The following LAYN variants were observed in gnomAD, a reference collection of about 807,000 sequenced individuals.
LAYN encodes layilin.
LAYN carries 38 observed loss-of-function variants against 43.6 expected under a neutral mutation model. The ratio of observed to expected loss-of-function variants is 0.87; its 90% confidence interval spans 0.67 to 1.14. The LOEUF is 1.14. Ranked by LOEUF, LAYN falls within the 50% of genes most tolerant of loss-of-function variation. The pLI, the probability that LAYN is intolerant of heterozygous loss-of-function variation, is 0.00. For synonymous variants in LAYN, 168 were observed against 172.9 expected (o/e 0.97, Z 0.22); for missense variants, 479 against 463.8 (o/e 1.03, Z -0.30).
At chr11:111,541,830 A>G (rs767139122) in intron 1 of LAYN, among the ~76,000 whole-genome samples, 7 of 152,122 alleles carry the variant, frequency 4.6e-5, no homozygotes, top group Non-Finnish European at 8.8e-5. Flanking sequence ...TGCTTGGGTT[A>G]GGGCTGCGTG....
intron 2 of LAYN, among the ~76,000 whole-genome samples, chr11:111,544,585 G>A (rs1867615342): frequency 6.6e-6 from 1 of 152,152 alleles, no homozygotes; most frequent in Admixed American, 6.5e-5. Flanking sequence ...ACAGGGAATT[G>A]TAATAATGGG....
In LAYN at chr11:111,555,219, A is replaced by G. The variant is rs1391661160; in HGVS notation, c.587A>G (p.Glu196Gly). The G allele has an allele frequency of 6.2e-7, 1 of 1,613,578 alleles. No individual in the cohort carries two copies. Among genetic ancestry groups the G allele is most frequent in the East Asian group, 2.2e-5 (1 of 44,868 alleles). ...TGTCTCTCTCCAGGTGAGGAAACAG[A>G]GCTGACAACACCTGTACTTCCAGAA... ...PSREAEGEET[E>G]LTTPVLPEET... The change falls in exon 5 of 7, where the codon GAG becomes GGG. Residue 196 changes from glutamate (E) to glycine (G), a missense_variant. Transcript: ENST00000375614.
At chr11:111,559,573 C>T (rs1031459047) in intron 6 of LAYN, among the ~76,000 whole-genome samples, 5 of 152,038 alleles carry the variant, frequency 3.3e-5, no homozygotes, top group African/African-American at 1.2e-4. Flanking sequence ...ATCCTCCCAC[C>T]TCAGCCTCCC....
Position 111,549,716 on chromosome 11 carries a change from T to C in LAYN, c.482T>C (p.Phe161Ser). The change falls in exon 3 of 7, where the codon TTC becomes TCC. Residue 161 changes from phenylalanine to serine, a missense_variant. By Grantham distance (155) the Phe-to-Ser change is radical (BLOSUM62 -2). Transcript: ENST00000375614. ...GCTGGCATCGGAGGCCCCTACATGT[T>C]CCAGTGGAATGATGACCGGTGCAAC... is the stretch of plus-strand genomic sequence containing the variant. ...APAGIGGPYMFQWNDDRCNMK... is the reference protein window; with the variant it reads ...APAGIGGPYMSQWNDDRCNMK... The C allele has an allele frequency of 6.2e-7, 1 of 1,607,186 alleles. No individual in the cohort carries two copies.
chr11:111,549,144 G>T (rs1204717938), intron 2 of LAYN, among the ~76,000 whole-genome samples: 1 of 152,170 alleles, frequency 6.6e-6, no homozygotes, highest in African/African-American at 2.4e-5. Flanking sequence ...TCATGTGCTT[G>T]AATTTCTTAT....
rs1344647910 is a variant in LAYN at position 111,557,739 on chromosome 11, C to A, written c.761+96C>A. On this transcript the variant is annotated intron_variant, in intron 6 of 6. Transcript: ENST00000375614. ...TACTTCATTAAAACCCACGGCAGCA[C>A]CAAGAGTATCACCATTGCAGATTGG... The A allele has an allele frequency of 5.1e-6, 5 of 977,228 alleles. No homozygotes were observed. In the East Asian group the frequency reaches 7.1e-5, roughly 14 times the overall value. 60.5% of individuals were successfully genotyped at this position (977,228 alleles called of 1,614,324 possible). A position where few individuals can be genotyped will look rare whatever the true frequency, so the allele number is the denominator to read the frequency against.
At chr11:111,557,391 C>A (rs1867865566) in intron 5 of LAYN, 150 bp from the exon 6 acceptor site, 1 of 667,498 alleles carries the variant, frequency 1.5e-6, no homozygotes, top group Non-Finnish European at 2.6e-6. Flanking sequence ...TTAGCCTTTT[C>A]CTTTGTTTTG....
intron 1 of LAYN, chr11:111,541,538 C>T (rs1471523306): frequency 2.6e-6 from 4 of 1,535,506 alleles, no homozygotes; most frequent in Non-Finnish European, 3.5e-6. Context: ...TCTCTGCTTC[C>T]TTCCTCCTGT....
At chr11:111,544,528 G>A (rs1458069019) in intron 2 of LAYN, among the ~76,000 whole-genome samples, 1 of 152,214 alleles carries the variant, frequency 6.6e-6, no homozygotes, top group Non-Finnish European at 1.5e-5. Context: ...ACCTCATGGA[G>A]AGACTGAAGA....
intron 1 of LAYN, among the ~76,000 whole-genome samples, chr11:111,542,888 A>T (rs1369993997): frequency 6.6e-6 from 1 of 152,214 alleles, no homozygotes; most frequent in Non-Finnish European, 1.5e-5. Context: ...GAATGAAAGG[A>T]GTGATGAGGC....
chr11:111,556,387 G>T (rs1201188000), intron 5 of LAYN, among the ~76,000 whole-genome samples: 1 of 152,188 alleles, frequency 6.6e-6, no homozygotes, highest in Non-Finnish European at 1.5e-5. Flanking sequence ...GTCTCCAAAA[G>T]AGGTCAGGCT....
intron 5 of LAYN, 134 bp from the exon 6 acceptor site, chr11:111,557,407 T>C (rs1014420337): frequency 5.5e-6 from 4 of 720,810 alleles, no homozygotes; most frequent in Non-Finnish European, 7.2e-6. Context: ...TTTTGTTTTT[T>C]AATTTTTTAA....
chr11:111,554,534 T>C, intron 3 of LAYN, 27 bp from the exon 4 acceptor site: 1 of 1,587,148 alleles, frequency 6.3e-7, no homozygotes, highest in Non-Finnish European at 8.6e-7. Context: ...TACTACTTAT[T>C]TTTGTTTTTG....
chr11:111,549,718 C>CAGTG lies in LAYN; in HGVS notation c.485_488dup (p.Trp163Ter). On this transcript the variant is annotated stop_gained and frameshift_variant, in exon 3 of 7. Coordinates refer to ENST00000375614, the MANE Select transcript of LAYN (RefSeq NM_178834.5). LOFTEE classifies it high-confidence loss of function. ...TGGCATCGGAGGCCCCTACATGTTC[C>CAGTG]AGTGGAATGATGACCGGTGCAACAT... 1 of 1,606,852 alleles carries CAGTG rather than the reference C, an allele frequency of 6.2e-7. No homozygotes were observed. Among genetic ancestry groups the CAGTG allele is most frequent in the Non-Finnish European group, 8.5e-7 (1 of 1,177,334 alleles).
At chr11:111,542,137 TG>T (rs910783620) in intron 1 of LAYN, among the ~76,000 whole-genome samples, 1 of 152,236 alleles carries the variant, frequency 6.6e-6, no homozygotes, top group African/African-American at 2.4e-5. Flanking sequence ...GATAAGTTCC[TG>T]GGGGCTCATT....
intron 3 of LAYN, 109 bp from the exon 4 acceptor site, chr11:111,554,452 C>G: frequency 1.2e-6 from 1 of 837,476 alleles, no homozygotes; most frequent in Non-Finnish European, 2.0e-6. Flanking sequence ...TAAAGTTTAT[C>G]GGAGGAATGA....
chr11:111,550,940 T>A (rs1337254920), intron 3 of LAYN, among the ~76,000 whole-genome samples: 1 of 152,234 alleles, frequency 6.6e-6, no homozygotes, highest in Non-Finnish European at 1.5e-5. Flanking sequence ...AAAAATCATA[T>A]TCTTCATTAC....
chr11:111,549,720 G>A lies in LAYN; in HGVS notation c.486G>A (p.Gln162=). 1 of 1,607,118 alleles carries A rather than the reference G, an allele frequency of 6.2e-7. No individual in the cohort carries two copies. The highest frequency in any genetic ancestry group is 8.5e-7 in the Non-Finnish European group (1 of 1,177,486). Residue 162 remains glutamine, a synonymous_variant, in exon 3 of 7, where the codon CAG becomes CAA. Coordinates refer to ENST00000375614, the MANE Select transcript of LAYN (RefSeq NM_178834.5). ...GCATCGGAGGCCCCTACATGTTCCA[G>A]TGGAATGATGACCGGTGCAACATGA... ...PAGIGGPYMF[Q]WNDDRCNMKN... is the part of the protein sequence containing the mutation.
chr11:111,549,427 T>C (rs926935521), intron 2 of LAYN, among the ~76,000 whole-genome samples, 191 bp from the exon 3 acceptor site: 1 of 152,250 alleles, frequency 6.6e-6, no homozygotes, highest in Admixed American at 6.5e-5. Flanking sequence ...AGATGATTGA[T>C]TGTGATGTCC....
Sources: gnomAD v4.1 joint callset for allele counts (sites outside exome capture counted in the v4.1 genomes callset) on GRCh38, gnomAD v4.1.1 for gene constraint, MANE v1.5 for transcripts, NCBI Gene and HGNC (gene_info 2026-07-23, HGNC 2026-07-21) for gene names.